The following HS2ST1 variants were observed in gnomAD, a reference collection of about 807,000 sequenced individuals.
The protein encoded by HS2ST1 is 2-O-sulfotransferase.
HS2ST1 carries 18 observed loss-of-function variants against 42.9 expected under a neutral mutation model. The ratio of observed to expected loss-of-function variants is 0.42; its 90% CI spans 0.29 to 0.62. The LOEUF (loss-of-function observed/expected upper bound fraction) is 0.62. Among genes scored for constraint, HS2ST1 ranks in the 20% least tolerant of loss-of-function variants. HS2ST1 has a pLI of 0.21. For missense variants in HS2ST1, 334 were observed against 433.8 expected (o/e 0.77, Z 2.04); for synonymous variants, 146 against 152.9 (o/e 0.95, Z 0.33).
At chr1:86,931,893 T>C (rs1044042926) in intron 1 of HS2ST1, among the ~76,000 whole-genome samples, 18 of 152,148 alleles carry the variant, frequency 1.2e-4, no homozygotes, top group Admixed American at 6.5e-5. Flanking sequence ...GTGATATTTC[T>C]TGGTGGTTTT....
intron 1 of HS2ST1, among the ~76,000 whole-genome samples, chr1:87,002,261 TG>T (rs1400276058): frequency 6.6e-6 from 1 of 152,122 alleles, no homozygotes; most frequent in Non-Finnish European, 1.5e-5. Context: ...TTTTGGTAGG[TG>T]AGATAACTTT....
chr1:86,967,058 G>T (rs894676388), intron 1 of HS2ST1, among the ~76,000 whole-genome samples: 2 of 151,894 alleles, frequency 1.3e-5, no homozygotes, highest in African/African-American at 4.8e-5. Context: ...TGCCCAGCCG[G>T]TTTTGCATTT....
intron 1 of HS2ST1, among the ~76,000 whole-genome samples, chr1:87,014,845 C>T (rs1319507383): frequency 6.6e-6 from 1 of 152,178 alleles, no homozygotes; most frequent in African/African-American, 2.4e-5. Flanking sequence ...AAACATTTAT[C>T]TTATCCTCCT....
chr1:86,985,447 T>C (rs564431516), intron 1 of HS2ST1, among the ~76,000 whole-genome samples: 1,560 of 30,748 alleles, frequency 0.051, 352 homozygotes, highest in Middle Eastern at 0.075. Context: ...TATATACACA[T>C]ATATACACAC....
chr1:86,985,704 TG>T (rs1648765294), intron 1 of HS2ST1, among the ~76,000 whole-genome samples: 1 of 151,824 alleles, frequency 6.6e-6, no homozygotes. Context: ...GGAGCATAAA[TG>T]GCAATCTTAC....
At chr1:86,956,262 TAAA>T (rs1171734190) in intron 1 of HS2ST1, among the ~76,000 whole-genome samples, 1 of 152,108 alleles carries the variant, frequency 6.6e-6, no homozygotes, top group Non-Finnish European at 1.5e-5. Context: ...AATTCCAGAT[TAAA>T]AAAAGATTTC....
intron 1 of HS2ST1, among the ~76,000 whole-genome samples, chr1:87,025,626 A>G (rs554736926): frequency 2.6e-5 from 4 of 152,318 alleles, no homozygotes; most frequent in South Asian, 4.1e-4. Flanking sequence ...GTTTTTGTCT[A>G]GAAGGAATTT....
intron 1 of HS2ST1, chr1:87,045,729 A>C: frequency 2.2e-6 from 2 of 893,930 alleles, no homozygotes; most frequent in South Asian, 2.6e-5. Flanking sequence ...TTTGATATCA[A>C]ATCTACTCTT....
At position 86,923,955 on chromosome 1, in the gene HS2ST1, A is replaced by C. The variant is rs547731119; in HGVS notation, c.124+8795A>C. Among the ~76,000 whole-genome samples the C allele has an allele frequency of 2.6e-5, 4 of 152,288 alleles. No homozygotes were observed. The East Asian group carries it at 5.8e-4, about 22-fold the overall frequency. ...TCCCCCAAAGTCTTAACTCATTTCA[A>C]CATTAACTCAAAAGTCCACAGTCCA... On this transcript the variant is annotated intron_variant, in intron 1 of 6. Coordinates refer to ENST00000370550, the MANE Select transcript of HS2ST1 (RefSeq NM_012262.4).
intron 1 of HS2ST1, among the ~76,000 whole-genome samples, chr1:86,926,740 AT>A (rs1660430553): frequency 6.6e-6 from 1 of 152,190 alleles, no homozygotes; most frequent in African/African-American, 2.4e-5. Flanking sequence ...TAAAACTAAT[AT>A]TGTAAATTCA....
At chr1:87,061,289 C>A (rs1651114615) in intron 1 of HS2ST1, among the ~76,000 whole-genome samples, 1 of 152,048 alleles carries the variant, frequency 6.6e-6, no homozygotes, top group Non-Finnish European at 1.5e-5. Context: ...TTACAGGGAA[C>A]AATTCACTGG....
At chr1:87,037,713 G>A (rs946223526) in intron 1 of HS2ST1, among the ~76,000 whole-genome samples, 2 of 150,766 alleles carry the variant, frequency 1.3e-5, no homozygotes, top group African/African-American at 4.9e-5. Flanking sequence ...ACTCATTTGT[G>A]TAACCATACA....
chr1:87,069,862 A>C (rs1478852327), intron 1 of HS2ST1, among the ~76,000 whole-genome samples: 4 of 152,236 alleles, frequency 2.6e-5, no homozygotes, highest in African/African-American at 9.6e-5. Flanking sequence ...CTTTTTAAAA[A>C]CATATTTGTT....
At chr1:86,922,961 C>A (rs1022580829) in intron 1 of HS2ST1, among the ~76,000 whole-genome samples, 2 of 152,018 alleles carry the variant, frequency 1.3e-5, no homozygotes, top group African/African-American at 4.8e-5. Flanking sequence ...AATACACTTA[C>A]ATTAGACCAC....
At chr1:87,027,595 TA>T in intron 1 of HS2ST1, among the ~76,000 whole-genome samples, 1 of 152,220 alleles carries the variant, frequency 6.6e-6, no homozygotes, top group East Asian at 1.9e-4. Context: ...TCCACATGAG[TA>T]AGGTTTGATA....
At position 87,104,619 on chromosome 1, in the gene HS2ST1, G is replaced by T. The variant is rs768215826; in HGVS notation, c.994G>T (p.Val332Phe). Residue 332 changes from valine (V) to phenylalanine (F), a missense_variant, in exon 7 of 7, where the codon GTT becomes TTT. Physicochemically the swap from Val to Phe is conservative, Grantham distance 50 (BLOSUM62 -1). Transcript: ENST00000370550. Reference sequence around the variant, plus strand: ...GTTCCAATTCATCAGAGCCCATGCCGTTCGAGAAAAAGATGGAGACCTCTA... The same window carrying T: ...GTTCCAATTCATCAGAGCCCATGCCTTTCGAGAAAAAGATGGAGACCTCTA... Reference protein sequence around the residue: ...EQFQFIRAHAVREKDGDLYIL... With the variant: ...EQFQFIRAHAFREKDGDLYIL... 1.5e-5 allele frequency: 24 copies of T among 1,613,448 alleles called. No homozygotes were observed. The highest frequency in any genetic ancestry group is 1.6e-4 in the Middle Eastern group (1 of 6,082).
rs558722232 is a variant in HS2ST1 at position 86,999,370 on chromosome 1, G to A, written c.125-73564G>A. Among the ~76,000 whole-genome samples the A allele has an allele frequency of 5.9e-5, 9 of 152,112 alleles. No individual in the cohort carries two copies. The South Asian group carries it at 1.5e-3, about 25-fold the overall frequency. On this transcript the variant is annotated intron_variant, in intron 1 of 6. Transcript: ENST00000370550. ...ATTTTGTATTTTCAGTAGAGGCAGG[G>A]TTTCTCCATGTTGGTCAGGCTGGTC...
chr1:86,992,276 A>G (rs964834249), intron 1 of HS2ST1, among the ~76,000 whole-genome samples: 4 of 151,508 alleles, frequency 2.6e-5, no homozygotes, highest in Non-Finnish European at 5.9e-5. Flanking sequence ...CCTTAAAAAG[A>G]GTAGGTTTTA....
At chr1:86,961,800 T>G (rs1371056855) in intron 1 of HS2ST1, among the ~76,000 whole-genome samples, 1 of 152,150 alleles carries the variant, frequency 6.6e-6, no homozygotes, top group Non-Finnish European at 1.5e-5. Flanking sequence ...TCATAACTTT[T>G]AATCTGCTTT....
Sources: allele counts gnomAD v4.1 joint callset (sites outside exome capture counted in the v4.1 genomes callset), GRCh38; gene constraint gnomAD v4.1.1; transcripts MANE v1.5; gene names NCBI Gene and HGNC (gene_info 2026-07-23, HGNC 2026-07-21).